The following IL23R variants were observed in gnomAD, a reference collection of about 807,000 sequenced individuals.
The protein encoded by IL23R is interleukin 23 receptor.
In IL23R, 34 loss-of-function variants were observed where a neutral mutation model predicts 56.9. That is an observed-to-expected ratio of 0.60 (90% CI 0.45 to 0.80). The LOEUF is 0.80. Ranked by LOEUF, IL23R falls within the 30% of genes least tolerant of loss-of-function variation. The probability of loss-of-function intolerance (pLI) is 0.00; values close to 1 mark genes in which losing one functional copy is unlikely to be tolerated. For synonymous variants in IL23R, 230 were observed against 249.2 expected (o/e 0.92, Z 0.73); for missense variants, 635 against 730.0 (o/e 0.87, Z 1.50).
Position 67,169,373 on chromosome 1 carries a change from C to G in IL23R, c.102C>G (p.Ile34Met). Residue 34 changes from isoleucine (I) to methionine (M), a missense_variant, in exon 3 of 11, where the codon ATC becomes ATG. Coordinates refer to ENST00000347310, the MANE Select transcript of IL23R (RefSeq NM_144701.3). ...CAAATATAAACTGCTCTGGCCACAT[C>G]TGGGTAGAACCAGCCACAATTTTTA... ...GITNINCSGH[I>M]WVEPATIFKM... 6.2e-7 allele frequency: 1 copy of G among 1,612,658 alleles called. No homozygotes were observed. Among genetic ancestry groups the G allele is most frequent in the African/African-American group, 1.3e-5 (1 of 74,984 alleles).
At chr1:67,182,077 T>A (rs958194496) in intron 3 of IL23R, among the ~76,000 whole-genome samples, 4 of 152,184 alleles carry the variant, frequency 2.6e-5, no homozygotes, top group African/African-American at 9.7e-5. Flanking sequence ...TACTCAGAGG[T>A]CAGGGACCCA....
downstream of IL23R, among the ~76,000 whole-genome samples, chr1:67,260,593 T>A (rs1283738199): frequency 6.6e-6 from 1 of 152,160 alleles, no homozygotes; most frequent in Non-Finnish European, 1.5e-5. Flanking sequence ...GGAGATTAAA[T>A]CTATCTACCA....
downstream of IL23R, among the ~76,000 whole-genome samples, chr1:67,262,656 C>T (rs911028879): frequency 1.3e-5 from 2 of 152,202 alleles, no homozygotes; most frequent in African/African-American, 4.8e-5. Flanking sequence ...GAATTTTCTG[C>T]AGATTCTGAG....
intron 4 of IL23R, among the ~76,000 whole-genome samples, chr1:67,192,535 AAT>A (rs950070953): frequency 6.6e-6 from 1 of 152,158 alleles, no homozygotes; most frequent in Non-Finnish European, 1.5e-5. Context: ...TCTGTGTCTA[AAT>A]ATCTCCACCA....
At chr1:67,197,745 GC>G (rs987769443) in intron 4 of IL23R, among the ~76,000 whole-genome samples, 1 of 152,148 alleles carries the variant, frequency 6.6e-6, no homozygotes, top group Non-Finnish European at 1.5e-5. Flanking sequence ...AGAGCTCGAG[GC>G]TGGCCTGGGC....
chr1:67,233,250 C>T (rs968129520), intron 7 of IL23R, among the ~76,000 whole-genome samples: 1 of 149,782 alleles, frequency 6.7e-6, no homozygotes, highest in Non-Finnish European at 1.5e-5. Flanking sequence ...CCTGTAATCC[C>T]AGCTACTTGG....
intron 7 of IL23R, among the ~76,000 whole-genome samples, chr1:67,226,811 G>A (rs1261441810): frequency 6.6e-6 from 1 of 152,082 alleles, no homozygotes; most frequent in Admixed American, 6.5e-5. Context: ...GAAAAGGGTG[G>A]GCATGTGAGA....
Position 67,170,033 on chromosome 1 carries a change from C to T in IL23R, c.367+395C>T, listed in dbSNP as rs12411112. ...TTTAAAATGTTGCTCTTTTAATCTT[C>T]TTGTTTATTTTTCTAAACTAATATA... is the stretch of plus-strand genomic sequence containing the variant. On this transcript the variant is annotated intron_variant, in intron 3 of 10. Transcript: ENST00000347310. Among the ~76,000 whole-genome samples the T allele has an allele frequency of 4.2e-3, 635 of 152,302 alleles. 11 individuals carry two copies. Among genetic ancestry groups the T allele is most frequent in the Admixed American group, 0.032 (483 of 15,290 alleles).
At chr1:67,192,474 T>C (rs1349500279) in intron 4 of IL23R, among the ~76,000 whole-genome samples, 2 of 152,178 alleles carry the variant, frequency 1.3e-5, no homozygotes, top group Non-Finnish European at 2.9e-5. Context: ...TTTACAGTCA[T>C]TACCTAAAGG....
At chr1:67,190,426 G>T (rs1224520116) in intron 4 of IL23R, among the ~76,000 whole-genome samples, 5 of 118,480 alleles carry the variant, frequency 4.2e-5, no homozygotes, top group Admixed American at 1.7e-4. Flanking sequence ...AAAGGGTAAT[G>T]ATAGGGAAAA....
chr1:67,203,933 T>A (rs1234480999), intron 5 of IL23R, among the ~76,000 whole-genome samples: 1 of 152,248 alleles, frequency 6.6e-6, no homozygotes, highest in Non-Finnish European at 1.5e-5. Context: ...GCCTGCCATT[T>A]TGAATATTAC....
At chr1:67,239,410 C>T (rs1231636389) in intron 8 of IL23R, among the ~76,000 whole-genome samples, 1 of 152,140 alleles carries the variant, frequency 6.6e-6, no homozygotes, top group East Asian at 1.9e-4. Flanking sequence ...ACTACAGGCA[C>T]ATGCCACCAC....
At chr1:67,199,846 G>A (rs568600484) in intron 4 of IL23R, among the ~76,000 whole-genome samples, 21 of 151,862 alleles carry the variant, frequency 1.4e-4, no homozygotes, top group Non-Finnish European at 2.4e-4. Context: ...ATATTTTTCA[G>A]TAAAAGGTTG....
chr1:67,223,879 T>C (rs1194436849), intron 7 of IL23R, among the ~76,000 whole-genome samples: 1 of 152,022 alleles, frequency 6.6e-6, no homozygotes, highest in Non-Finnish European at 1.5e-5. Flanking sequence ...GCTTTGTATA[T>C]AAATGGTCTT....
intron 7 of IL23R, among the ~76,000 whole-genome samples, chr1:67,228,916 A>G (rs190356837): frequency 1.6e-4 from 24 of 152,308 alleles, no homozygotes; most frequent in African/African-American, 5.5e-4. Context: ...CTTTTGCCTT[A>G]TAAGGTAACT....
chr1:67,212,606 C>T (rs373742804), intron 6 of IL23R, among the ~76,000 whole-genome samples: 32 of 150,122 alleles, frequency 2.1e-4, no homozygotes, highest in Admixed American at 5.3e-4. Flanking sequence ...AGCGCAGTGG[C>T]GCAATCTCAG....
intron 5 of IL23R, among the ~76,000 whole-genome samples, chr1:67,204,743 C>T (rs1648887576): frequency 1.3e-5 from 2 of 150,230 alleles, no homozygotes; most frequent in South Asian, 4.2e-4. Context: ...GGGATCCATG[C>T]CCTTGACTCT....
At chr1:67,165,579 C>T (rs6682925), upstream of IL23R, among the ~76,000 whole-genome samples, 71,626 of 151,948 alleles carry the variant, frequency 0.47, 17,711 homozygotes, top group South Asian at 0.63. Context: ...AAGTGCCTAT[C>T]AGTGGAATAA....
Position 67,182,917 on chromosome 1 carries a change from A to C in IL23R, c.449A>C (p.Lys150Thr), listed in dbSNP as rs775258971. 2.2e-5 allele frequency: 35 copies of C among 1,614,020 alleles called. 1 individual carries two copies. In the East Asian group the frequency reaches 5.8e-4, roughly 27 times the overall value. ...GNMTCTWNAG[K>T]LTYIDTKYVV... ...ATGACTTGCACCTGGAATGCTGGGA[A>C]GCTCACCTACATAGACACAAAATAC... is the stretch of plus-strand genomic sequence containing the variant. Residue 150 changes from lysine to threonine, a missense_variant, in exon 4 of 11, where the codon AAG (lysine) becomes ACG (threonine). Transcript: ENST00000347310.
Sources: allele counts gnomAD v4.1 joint callset (sites outside exome capture counted in the v4.1 genomes callset), GRCh38; gene constraint gnomAD v4.1.1; transcripts MANE v1.5; gene names NCBI Gene and HGNC (gene_info 2026-07-23, HGNC 2026-07-21).